CNNM2: variants seen among roughly 807,000 people sequenced by gnomAD.
CNNM2 encodes the protein metal transporter CNNM2.
Under a neutral mutation model 66.9 loss-of-function variants are expected in CNNM2, and 12 were observed. That is an observed-to-expected ratio of 0.18 (90% CI 0.11 to 0.29). The LOEUF (loss-of-function observed/expected upper bound fraction) is 0.29, where lower values mean the gene tolerates loss of function less well. CNNM2 is among the 10% of genes least tolerant of loss of function. The pLI is 1.00. For synonymous variants in CNNM2, 557 were observed against 501.8 expected (o/e 1.11, Z -1.47); for missense variants, 705 against 1,167.7 (o/e 0.60, Z 5.77).
At chr10:103,059,997 G>A (rs912741999) in intron 4 of CNNM2, among the ~76,000 whole-genome samples, 4 of 152,042 alleles carry the variant, frequency 2.6e-5, no homozygotes, top group Non-Finnish European at 5.9e-5. Flanking sequence ...AAAATTAGCC[G>A]GGTTTGGTGA....
At chr10:103,021,899 G>T (rs764756355) in intron 1 of CNNM2, among the ~76,000 whole-genome samples, 6 of 152,222 alleles carry the variant, frequency 3.9e-5, no homozygotes, top group Non-Finnish European at 7.3e-5. Context: ...GTATGTATAT[G>T]TAGTAATCTT....
intron 1 of CNNM2, among the ~76,000 whole-genome samples, chr10:103,003,942 T>C (rs1295844322): frequency 2.0e-5 from 3 of 151,706 alleles, no homozygotes; most frequent in Non-Finnish European, 4.4e-5. Context: ...AGTTGTATTG[T>C]AGACTGTGCA....
At chr10:103,075,175 G>A (rs555471302) in intron 6 of CNNM2, among the ~76,000 whole-genome samples, 3 of 152,286 alleles carry the variant, frequency 2.0e-5, no homozygotes, top group East Asian at 3.9e-4. Flanking sequence ...CAGCTGTCAG[G>A]GACACATTGC....
Position 102,941,840 on chromosome 10 carries a change from G to T in CNNM2, c.1621+21739G>T, listed in dbSNP as rs112222210. On this transcript the variant is annotated intron_variant, in intron 1 of 7. Coordinates refer to ENST00000369878, the MANE Select transcript of CNNM2 (RefSeq NM_017649.5). ...AGAACGTAAGCTCCATAAGGGCAGG[G>T]ACTTGTCTGTCTTGTTCACTGCTGC... Among the ~76,000 whole-genome samples, 1,353 of 152,258 alleles carry T rather than the reference G, an allele frequency of 8.9e-3. 11 individuals carry two copies. The highest frequency in any genetic ancestry group is 0.015 in the Non-Finnish European group (995 of 68,008).
Position 103,077,430 on chromosome 10 carries a change from A to AT in CNNM2, c.*251dup. On this transcript the variant is annotated 3_prime_UTR_variant, in exon 8 of 8. Transcript: ENST00000369878. ...TTGGAGATGAACTGATTCCGCCCAA[A>AT]TAGAATCATGTTTATTTTTTCAGCT... The AT allele has an allele frequency of 2.1e-6, 1 of 472,656 alleles. No homozygotes were observed. The highest frequency in any genetic ancestry group is 3.8e-6 in the Non-Finnish European group (1 of 265,548). The allele number at this position is 472,656 out of a possible 1,614,324, so 29.3% of individuals were successfully genotyped here.
Position 102,919,070 on chromosome 10 carries a change from C to A in CNNM2, c.590C>A (p.Thr197Lys). 1 of 1,612,174 alleles carries A rather than the reference C, an allele frequency of 6.2e-7. No individual in the cohort carries two copies. Among genetic ancestry groups the A allele is most frequent in the Non-Finnish European group, 8.5e-7 (1 of 1,179,404 alleles). ...KSYYLCTSLS[T>K]PALGAGGSGS... ...TATTACCTGTGCACGTCGCTCTCCACGCCCGCCCTGGGCGCCGGCGGCTCG... is the reference window on the plus strand; with the variant it reads ...TATTACCTGTGCACGTCGCTCTCCAAGCCCGCCCTGGGCGCCGGCGGCTCG... Residue 197 changes from threonine (T) to lysine (K), a missense_variant, in exon 1 of 8, where the codon ACG (threonine) becomes AAG (lysine). Thr to Lys is a moderately conservative substitution (Grantham distance 78, BLOSUM62 -1). This residue lies in a region of CNNM2 where 100 missense variants were observed against 151.9 expected (regional missense o/e 0.66). Transcript: ENST00000369878.
In CNNM2 at chr10:103,068,614, C is replaced by T; in HGVS notation, c.2074-15C>T. On this transcript the variant is annotated splice_polypyrimidine_tract_variant and intron_variant, in intron 4 of 7. Coordinates refer to ENST00000369878, the MANE Select transcript of CNNM2 (RefSeq NM_017649.5). ...TTGCAACTGGACTGAAAATACCTGC[C>T]TTTTCTCTCCACAGGGGAAAGTGGA... 6.2e-7 allele frequency: 1 copy of T among 1,602,994 alleles called. No individual in the cohort carries two copies. Among genetic ancestry groups the T allele is most frequent in the South Asian group, 1.1e-5 (1 of 88,880 alleles).
chr10:102,918,492 T>G lies in CNNM2; in HGVS notation c.12T>G (p.Cys4Trp), dbSNP rs762143326. 5 of 1,606,960 alleles carry G rather than the reference T, an allele frequency of 3.1e-6. No individual in the cohort carries two copies. The South Asian group carries it at 5.5e-5, about 18-fold the overall frequency. The change falls in exon 1 of 8, where the codon TGT becomes TGG. Residue 4 changes from cysteine to tryptophan, a missense_variant. This residue lies in a region of CNNM2 where 98 missense variants were observed against 73.6 expected (regional missense o/e 1.33). Transcript: ENST00000369878. The surrounding 1 kb of genome is among the most constrained non-coding windows in gnomAD (Gnocchi z 4.1). MIG[C>W]GACEPKVKMA... is the part of the protein sequence containing the mutation. ...GGAGCAGCCACCCTATGATTGGCTG[T>G]GGCGCTTGTGAACCCAAAGTAAAGA...
In CNNM2 at chr10:102,959,952, T is replaced by C. The variant is rs997487612; in HGVS notation, c.1621+39851T>C. Among the ~76,000 whole-genome samples the C allele has an allele frequency of 3.3e-5, 5 of 152,002 alleles. No homozygotes were observed. In the East Asian group the frequency reaches 9.7e-4, roughly 29 times the overall value. On this transcript the variant is annotated intron_variant, in intron 1 of 7. Transcript: ENST00000369878. ...CTGTAGTCCCAGCTACTCAGGAGACTGAGGCAGGAAAATGGTGTGAACCCG... is the reference window on the plus strand; with the variant it reads ...CTGTAGTCCCAGCTACTCAGGAGACCGAGGCAGGAAAATGGTGTGAACCCG...
chr10:102,955,678 GAAA>G (rs746639495), intron 1 of CNNM2, among the ~76,000 whole-genome samples: 2 of 151,532 alleles, frequency 1.3e-5, no homozygotes, highest in South Asian at 2.1e-4. Flanking sequence ...AAATTTACAA[GAAA>G]AAAACAAACA....
chr10:102,936,791 G>A (rs1374835201), intron 1 of CNNM2, among the ~76,000 whole-genome samples: 3 of 152,102 alleles, frequency 2.0e-5, no homozygotes, highest in Non-Finnish European at 1.5e-5. Flanking sequence ...GTTTTTCTGT[G>A]TTGCTCCAAG....
At chr10:103,063,700 A>G (rs575570819) in intron 4 of CNNM2, among the ~76,000 whole-genome samples, 4 of 152,318 alleles carry the variant, frequency 2.6e-5, no homozygotes, top group Admixed American at 2.6e-4. Flanking sequence ...TCCTTCTTCC[A>G]AGTTCGTCAG....
At chr10:102,977,519 T>A (rs539675056) in intron 1 of CNNM2, among the ~76,000 whole-genome samples, 4 of 152,212 alleles carry the variant, frequency 2.6e-5, no homozygotes, top group Admixed American at 6.5e-5. Flanking sequence ...TGTGAAAAAA[T>A]TTTTAAAAAT....
chr10:103,054,770 C>T lies in CNNM2; in HGVS notation c.1903+304C>T, dbSNP rs541639821. ...TGCCACACTGCATGTGTACAGTAGGCCAGGCCATCTCCTTCCAGCTAGGTC... is the reference window on the plus strand; with the variant it reads ...TGCCACACTGCATGTGTACAGTAGGTCAGGCCATCTCCTTCCAGCTAGGTC... On this transcript the variant is annotated intron_variant, in intron 3 of 7. Transcript: ENST00000369878. The surrounding 1 kb of genome is among the most constrained non-coding windows in gnomAD (Gnocchi z 5.2). 2.0e-5 allele frequency among the ~76,000 whole-genome samples: 3 copies of T among 152,234 alleles called. No homozygotes were observed. Among genetic ancestry groups the T allele is most frequent in the Non-Finnish European group, 2.9e-5 (2 of 68,012 alleles).
intron 1 of CNNM2, among the ~76,000 whole-genome samples, chr10:102,928,584 A>G (rs968394673): frequency 4.6e-4 from 13 of 28,164 alleles, no homozygotes; most frequent in African/African-American, 2.1e-3. Context: ...CTCTGTCTCA[A>G]AAAAAAAAAA....
chr10:103,006,758 C>T (rs1482449250), intron 1 of CNNM2, among the ~76,000 whole-genome samples: 1 of 152,124 alleles, frequency 6.6e-6, no homozygotes, highest in Non-Finnish European at 1.5e-5. Flanking sequence ...TCCTGAGTAG[C>T]TGGGATTACA....
Position 103,071,779 on chromosome 10 carries a change from T to C in CNNM2, c.2173T>C (p.Leu725=). 6.2e-7 allele frequency: 1 copy of C among 1,613,944 alleles called. No homozygotes were observed. Among genetic ancestry groups the C allele is most frequent in the South Asian group, 1.1e-5 (1 of 91,080 alleles). ...VMALTASPVP[L]SLSRTFVVSR... is the part of the protein sequence containing the mutation. ...TGTTTTTCTCCATTTTTCAGTTCCT[T>C]TGTCCCTGTCTCGTACCTTTGTTGT... The change falls in exon 6 of 8, where the codon TTG becomes CTG. Residue 725 remains leucine, a synonymous_variant. Coordinates refer to ENST00000369878, the MANE Select transcript of CNNM2 (RefSeq NM_017649.5).
rs755806846 is a variant in CNNM2 at position 102,920,117 on chromosome 10, C to G, written c.1621+16C>G. On this transcript the variant is annotated intron_variant, in intron 1 of 7. Coordinates refer to ENST00000369878, the MANE Select transcript of CNNM2 (RefSeq NM_017649.5). ...TTTAAGAAAGGTGGGAAATTTTGGT[C>G]TCTTTCATTGGCTTGCTCTTTCTCT... 4 of 1,614,102 alleles carry G rather than the reference C, an allele frequency of 2.5e-6. No homozygotes were observed. Among genetic ancestry groups the G allele is most frequent in the Admixed American group, 1.7e-5 (1 of 60,022 alleles).
At chr10:102,981,565 A>T (rs1204422671) in intron 1 of CNNM2, among the ~76,000 whole-genome samples, 2 of 143,392 alleles carry the variant, frequency 1.4e-5, no homozygotes, top group South Asian at 2.2e-4. Flanking sequence ...TAACTTTGGT[A>T]TTTTTTTTTT....
Sources: allele counts gnomAD v4.1 joint callset (sites outside exome capture counted in the v4.1 genomes callset), GRCh38; gene constraint gnomAD v4.1.1; regional missense constraint gnomAD v4.1.1; non-coding constraint Gnocchi (gnomAD v3.1); transcripts MANE v1.5; gene names NCBI Gene and HGNC (gene_info 2026-07-23, HGNC 2026-07-21).